MGRN1: variants seen among roughly 807,000 people sequenced by gnomAD.
MGRN1 encodes the protein E3 ubiquitin-protein ligase MGRN1.
MGRN1 carries 29 observed loss-of-function variants against 69.2 expected under a neutral mutation model. That is an observed-to-expected ratio of 0.42 (90% CI 0.31 to 0.57). The LOEUF (loss-of-function observed/expected upper bound fraction) is 0.57. Ranked by LOEUF, MGRN1 falls within the 20% of genes least tolerant of loss-of-function variation. MGRN1 has a pLI of 0.15. For synonymous variants in MGRN1, 470 were observed against 344.2 expected, an observed-to-expected ratio of 1.37 and a Z score of -4.04; for missense variants, 998 against 796.2, an observed-to-expected ratio of 1.25 and a Z score of -3.05.
rs1351741147 is a variant in MGRN1 at position 4,673,738 on chromosome 16, GC to G, written c.955+83del. ...CACCACGGTGGTCCTGGGATAGGGGGCCACAGGTCCGTTGATGGCTAAGAAA... is the reference window on the plus strand; with the variant it reads ...CACCACGGTGGTCCTGGGATAGGGGGCACAGGTCCGTTGATGGCTAAGAAA... On this transcript the variant is annotated intron_variant, in intron 10 of 16. Coordinates refer to ENST00000262370, the MANE Select transcript of MGRN1 (RefSeq NM_015246.4). 10 of 1,517,092 alleles carry G rather than the reference GC, an allele frequency of 6.6e-6. 1 individual carries two copies. 94.0% of individuals were successfully genotyped at this position (1,517,092 alleles called of 1,614,324 possible). A position where few individuals can be genotyped will look rare whatever the true frequency, so the allele number is the denominator to read the frequency against.
intron 4 of MGRN1, 100 bp downstream of exon 4, chr16:4,652,924 G>A (rs777408731): frequency 7.2e-6 from 10 of 1,388,430 alleles, no homozygotes; most frequent in Admixed American, 2.8e-5. Context: ...AAACCAAACC[G>A]TGCTCTTTGA....
intron 3 of MGRN1, 92 bp from the exon 4 acceptor site, chr16:4,652,586 A>T: frequency 6.8e-7 from 1 of 1,459,976 alleles, no homozygotes; most frequent in South Asian, 1.4e-5. Flanking sequence ...CCACATAGCC[A>T]CCTCCACGGC....
At chr16:4,679,949 G>C in intron 11 of MGRN1, 83 bp from the exon 12 acceptor site, 1 of 1,308,448 alleles carries the variant, frequency 7.6e-7, no homozygotes, top group Non-Finnish European at 1.1e-6. Flanking sequence ...TGTGGCAAGA[G>C]GACAGCCAGT....
At chr16:4,668,584 C>G (rs1263595327) in intron 8 of MGRN1, among the ~76,000 whole-genome samples, 1 of 151,396 alleles carries the variant, frequency 6.6e-6, no homozygotes, top group Non-Finnish European at 1.5e-5. Flanking sequence ...CATACAGACA[C>G]GACACTCATA....
At chr16:4,644,149 T>G (rs183332054) in intron 1 of MGRN1, among the ~76,000 whole-genome samples, 16 of 151,422 alleles carry the variant, frequency 1.1e-4, no homozygotes, top group South Asian at 2.1e-4. Flanking sequence ...GGCTAATTTT[T>G]TTTTGTTTTG....
chr16:4,657,390 C>A (rs772994181), intron 5 of MGRN1, 27 bp downstream of exon 5: 1 of 1,595,452 alleles, frequency 6.3e-7, no homozygotes, highest in South Asian at 1.1e-5. Flanking sequence ...GGCTCCTTGC[C>A]CTTCGCTCCT....
rs1486707082 is a variant in MGRN1, at chr16:4,690,659, C to T, written c.*1751C>T. ...TGTCACGCATACACACACGCACATA[C>T]TCCTGCACATGTTCCCATGCATGTG... On this transcript the variant is annotated 3_prime_UTR_variant, in exon 17 of 17. Transcript: ENST00000262370. 3 of 152,256 alleles carry T rather than the reference C, an allele frequency of 2.0e-5. No individual in the cohort carries two copies. Among genetic ancestry groups the T allele is most frequent in the African/African-American group, 4.8e-5 (2 of 41,432 alleles). 9.4% of individuals were successfully genotyped at this position (152,256 alleles called of 1,614,324 possible). A position where few individuals can be genotyped will look rare whatever the true frequency, so the allele number is the denominator to read the frequency against.
intron 2 of MGRN1, chr16:4,651,111 A>C (rs1039948393): frequency 8.4e-6 from 1 of 118,716 alleles, no homozygotes; most frequent in Non-Finnish European, 1.6e-5. Context: ...TGTCTCAAAG[A>C]AAAAAAAAAA....
Position 4,673,540 on chromosome 16 carries a change from G to C in MGRN1, c.838G>C (p.Val280Leu). ...CAGCGACAACAGCAACGAGTGTGTG[G>C]TGTGCCTGTCCGACCTGCGGGACAC... ...ENSDNSNECVVCLSDLRDTLI... is the reference protein window; with the variant it reads ...ENSDNSNECVLCLSDLRDTLI... The change falls in exon 10 of 17, where the codon GTG (valine) becomes CTG (leucine). Residue 280 changes from valine (V) to leucine (L), a missense_variant. Transcript: ENST00000262370. 3 of 1,613,714 alleles carry C rather than the reference G, an allele frequency of 1.9e-6. No homozygotes were observed. Among genetic ancestry groups the C allele is most frequent in the Non-Finnish European group, 2.5e-6 (3 of 1,179,998 alleles).
At chr16:4,686,151 C>T in intron 16 of MGRN1, 1 of 1,316,248 alleles carries the variant, frequency 7.6e-7, no homozygotes, top group South Asian at 1.4e-5. Context: ...GTGTTTGTTT[C>T]TAGACGGCCT....
At chr16:4,680,160 A>G (rs2141972105) in intron 12 of MGRN1, 63 bp downstream of exon 12, 1 of 1,507,506 alleles carries the variant, frequency 6.6e-7, no homozygotes. Context: ...ACCCACGACA[A>G]GTAGGGGAGA....
intron 8 of MGRN1, 55 bp from the exon 9 acceptor site, chr16:4,671,336 G>A (rs1467299453): frequency 1.9e-6 from 3 of 1,564,028 alleles, no homozygotes; most frequent in Non-Finnish European, 2.6e-6. Flanking sequence ...TGGGTATGGA[G>A]GAGCCCTCAT....
chr16:4,662,880 G>C (rs1024125371), intron 5 of MGRN1, among the ~76,000 whole-genome samples: 1 of 152,216 alleles, frequency 6.6e-6, no homozygotes, highest in Non-Finnish European at 1.5e-5. Flanking sequence ...GCTGGGCCAG[G>C]AGTAGTCCCA....
intron 3 of MGRN1, among the ~76,000 whole-genome samples, chr16:4,652,323 C>T (rs1317517740): frequency 6.6e-6 from 1 of 152,048 alleles, no homozygotes; most frequent in Admixed American, 6.5e-5. Context: ...CAGGTGGGTG[C>T]CAGGGGTGCT....
chr16:4,648,769 C>T (rs1385404417), intron 1 of MGRN1, among the ~76,000 whole-genome samples: 14 of 118,224 alleles, frequency 1.2e-4, no homozygotes, highest in Non-Finnish European at 2.2e-4. Context: ...CTCCTCCTCC[C>T]GGGGCTCTTC....
In MGRN1 at chr16:4,690,674, C is replaced by T. The variant is rs2079437750; in HGVS notation, c.*1766C>T. On this transcript the variant is annotated 3_prime_UTR_variant, in exon 17 of 17. Transcript: ENST00000262370. ...CACGCACATACTCCTGCACATGTTCCCATGCATGTGTGTGCACTCGGACCG... is the reference window on the plus strand; with the variant it reads ...CACGCACATACTCCTGCACATGTTCTCATGCATGTGTGTGCACTCGGACCG... 6.6e-6 allele frequency: 1 copy of T among 152,228 alleles called. No homozygotes were observed. The highest frequency in any genetic ancestry group is 1.5e-5 in the Non-Finnish European group (1 of 68,048). The allele number at this position is 152,228 out of a possible 1,614,324, so 9.4% of individuals were successfully genotyped here.
rs2078378728 is a variant in MGRN1, at chr16:4,650,383, A to G, written c.107A>G (p.His36Arg). Residue 36 changes from histidine to arginine, a missense_variant, in exon 2 of 17, where the codon CAC becomes CGC. By Grantham distance (29) the His-to-Arg change is conservative (BLOSUM62 0). Coordinates refer to ENST00000262370, the MANE Select transcript of MGRN1 (RefSeq NM_015246.4). ...PPKSGNYFAS[H>R]FFMGGEKFDT... ...TAAACAGGAAACTACTTTGCTTCGC[A>G]CTTTTTCATGGGAGGAGAGAAATTC... The G allele has an allele frequency of 1.2e-6, 2 of 1,612,108 alleles. No individual in the cohort carries two copies. The highest frequency in any genetic ancestry group is 1.7e-6 in the Non-Finnish European group (2 of 1,179,396).
intron 16 of MGRN1, chr16:4,687,092 G>A: frequency 1.0e-6 from 1 of 985,456 alleles, no homozygotes; most frequent in Non-Finnish European, 1.2e-6. Context: ...TCCCTCGTGG[G>A]CTGCCTTTGT....
chr16:4,677,807 C>T (rs563673940), intron 11 of MGRN1, among the ~76,000 whole-genome samples: 1 of 140,912 alleles, frequency 7.1e-6, no homozygotes, highest in Non-Finnish European at 1.5e-5. Flanking sequence ...CAAGGCTGAG[C>T]GCGGTCGAGG....
Sources: gnomAD v4.1 joint callset for allele counts (sites outside exome capture counted in the v4.1 genomes callset) on GRCh38, gnomAD v4.1.1 for gene constraint, MANE v1.5 for transcripts, NCBI Gene and HGNC (gene_info 2026-07-23, HGNC 2026-07-21) for gene names.